AGMO: variants seen among roughly 807,000 people sequenced by gnomAD.
The protein encoded by AGMO is glyceryl-ether monooxygenase.
A neutral mutation model predicts 60.2 loss-of-function variants in AGMO; 75 were observed. That is an observed-to-expected ratio of 1.25 (90% CI 1.03 to 1.51). AGMO has a LOEUF of 1.51. Ranked by LOEUF, AGMO falls within the 40% of genes most tolerant of loss-of-function variation. AGMO has a pLI of 0.00. For missense variants in AGMO, 763 were observed against 525.5 expected (o/e 1.45, Z -4.42); for synonymous variants, 261 against 177.1 (o/e 1.47, Z -3.76).
chr7:15,168,545 T>C, the AGMO span, among the ~76,000 whole-genome samples: 1 of 152,182 alleles, frequency 6.6e-6, no homozygotes, highest in Admixed American at 6.5e-5. Flanking sequence ...CAAGAGCTTG[T>C]CCACAGACCT....
chr7:15,137,560 T>A, the AGMO span, among the ~76,000 whole-genome samples: 1 of 152,156 alleles, frequency 6.6e-6, no homozygotes, highest in Admixed American at 6.5e-5. Context: ...AAGGTTGTGA[T>A]GCAGTGCTGG....
At position 15,354,158 on chromosome 7, in the gene AGMO, A is replaced by G. The variant is rs142338817; in HGVS notation, c.1263+11356T>C. 1.9e-4 allele frequency among the ~76,000 whole-genome samples: 29 copies of G among 151,854 alleles called. No individual in the cohort carries two copies. The East Asian group carries it at 5.8e-3, about 30-fold the overall frequency. On this transcript the variant is annotated intron_variant, in intron 12 of 12. Transcript: ENST00000342526. ...GGACAATGTTTTTTTAAAGGAGACC[A>G]CAAATAAATCACCCCAAATGGCTTA...
At chr7:15,458,732 T>C (rs1782058583) in intron 3 of AGMO, among the ~76,000 whole-genome samples, 1 of 152,110 alleles carries the variant, frequency 6.6e-6, no homozygotes, top group Admixed American at 6.6e-5. Context: ...CTCTGCTTTA[T>C]CTAAGAGAAA....
At position 15,561,957 on chromosome 7, in the gene AGMO, A is replaced by T. The variant is rs1785323309; in HGVS notation, c.-112T>A. 1 of 1,145,992 alleles carries T rather than the reference A, an allele frequency of 8.7e-7. No individual in the cohort carries two copies. 71.0% of individuals were successfully genotyped at this position (1,145,992 alleles called of 1,614,324 possible). A position where few individuals can be genotyped will look rare whatever the true frequency, so the allele number is the denominator to read the frequency against. ...GCTCAGAACAAGCTCTTTGTCAGAG[A>T]ACAGCTAAAACCAAAGCTCCACTGA... On this transcript the variant is annotated 5_prime_UTR_variant, in exon 1 of 13. Coordinates refer to ENST00000342526, the MANE Select transcript of AGMO (RefSeq NM_001004320.2).
chr7:15,296,819 T>C (rs1784419944), intron 12 of AGMO, among the ~76,000 whole-genome samples: 1 of 152,282 alleles, frequency 6.6e-6, no homozygotes, highest in African/African-American at 2.4e-5. Context: ...GTAACACAAC[T>C]ACAAATTTAG....
At chr7:15,277,339 AAATAAATAAATAAATT>A (rs1291005479) in intron 12 of AGMO, among the ~76,000 whole-genome samples, 49 of 148,588 alleles carry the variant, frequency 3.3e-4, no homozygotes, top group Middle Eastern at 3.5e-3. Context: ...ATAAATAAAT[AAATAAATAAATAAATT>A]ATGTGTCATT....
intron 12 of AGMO, among the ~76,000 whole-genome samples, chr7:15,351,841 G>T (rs1475514152): frequency 6.6e-6 from 1 of 152,110 alleles, no homozygotes. Flanking sequence ...CTGTTTAAAT[G>T]AATCATTGAG....
intron 2 of AGMO, among the ~76,000 whole-genome samples, chr7:15,549,536 A>G (rs1284471952): frequency 5.3e-5 from 8 of 151,936 alleles, no homozygotes; most frequent in South Asian, 2.1e-4. Context: ...GATAGAACAG[A>G]CTTTAAACCA....
chr7:15,540,661 C>G (rs571184890), intron 3 of AGMO, among the ~76,000 whole-genome samples: 1 of 152,300 alleles, frequency 6.6e-6, no homozygotes, highest in South Asian at 2.1e-4. Context: ...GGCCCTTCCC[C>G]ATACTTGGTT....
At chr7:15,153,426 G>A in the AGMO span, among the ~76,000 whole-genome samples, 1 of 152,016 alleles carries the variant, frequency 6.6e-6, no homozygotes, top group African/African-American at 2.4e-5. Context: ...TAAGCCAAAG[G>A]CTAGAAGGGT....
At chr7:15,392,963 G>C (rs1784211601) in intron 6 of AGMO, among the ~76,000 whole-genome samples, 1 of 152,216 alleles carries the variant, frequency 6.6e-6, no homozygotes. Flanking sequence ...CCTAAGTGTT[G>C]AATATCTCAC....
chr7:15,298,850 A>G lies in AGMO; in HGVS notation c.1263+66664T>C, dbSNP rs932191608. ...TGATTTGGAATACAACTGCTTTAGT[A>G]TAACATATCTTCTGATTTTCTTATT... On this transcript the variant is annotated intron_variant, in intron 12 of 12. Coordinates refer to ENST00000342526, the MANE Select transcript of AGMO (RefSeq NM_001004320.2). Among the ~76,000 whole-genome samples the G allele has an allele frequency of 2.0e-5, 3 of 152,282 alleles. No individual in the cohort carries two copies. The East Asian group carries it at 5.8e-4, about 29-fold the overall frequency.
intron 12 of AGMO, among the ~76,000 whole-genome samples, chr7:15,256,353 A>G (rs1783097212): frequency 6.6e-6 from 1 of 151,952 alleles, no homozygotes; most frequent in African/African-American, 2.4e-5. Context: ...TTTATTTTTT[A>G]TTTTTTTGAG....
At chr7:15,418,738 T>G in intron 4 of AGMO, 85 bp from the exon 5 acceptor site, 1 of 811,676 alleles carries the variant, frequency 1.2e-6, no homozygotes, top group Non-Finnish European at 1.9e-6. Flanking sequence ...GAATGCATAT[T>G]TCTTTAGGAA....
chr7:15,460,106 C>CTTTTTT (rs67388173), intron 3 of AGMO, among the ~76,000 whole-genome samples: 2 of 121,696 alleles, frequency 1.6e-5, no homozygotes, highest in Admixed American at 8.0e-5. Context: ...CCAATTTCCC[C>CTTTTTT]TTTTTTTTTT....
intron 12 of AGMO, among the ~76,000 whole-genome samples, chr7:15,295,591 A>G (rs1260592217): frequency 6.6e-6 from 1 of 152,138 alleles, no homozygotes; most frequent in African/African-American, 2.4e-5. Flanking sequence ...CCTCGCTATT[A>G]ATAGTATAAT....
chr7:15,500,497 A>G (rs754887338), intron 3 of AGMO, among the ~76,000 whole-genome samples: 1 of 151,400 alleles, frequency 6.6e-6, no homozygotes, highest in African/African-American at 2.4e-5. Context: ...TGTGCTGTAT[A>G]TGAGTGTGTG....
intron 12 of AGMO, among the ~76,000 whole-genome samples, chr7:15,362,490 T>G (rs1734272131): frequency 6.6e-6 from 1 of 152,184 alleles, no homozygotes; most frequent in Admixed American, 6.5e-5. Context: ...TAACTGTAAT[T>G]TATCAATTTC....
Position 15,478,636 on chromosome 7 carries a change from A to T in AGMO, c.410-47528T>A, listed in dbSNP as rs554409179. Among the ~76,000 whole-genome samples the T allele has an allele frequency of 2.0e-5, 3 of 152,234 alleles. No homozygotes were observed. In the East Asian group the frequency reaches 5.8e-4, roughly 30 times the overall value. Reference sequence around the variant, plus strand: ...CTGTGGAATTTGCTGAACTGAATAGAACACTACACATCACGTTGGGAACCT... The same window carrying T: ...CTGTGGAATTTGCTGAACTGAATAGTACACTACACATCACGTTGGGAACCT... On this transcript the variant is annotated intron_variant, in intron 3 of 12. Transcript: ENST00000342526.
Sources: allele counts gnomAD v4.1 joint callset (sites outside exome capture counted in the v4.1 genomes callset), GRCh38; gene constraint gnomAD v4.1.1; transcripts MANE v1.5; gene names NCBI Gene and HGNC (gene_info 2026-07-23, HGNC 2026-07-21).